The following CDYL2 variants were observed in gnomAD, a reference collection of about 807,000 sequenced individuals.
CDYL2 encodes the protein chromodomain Y-like protein 2.
A neutral mutation model predicts 49.4 loss-of-function variants in CDYL2; 23 were observed. That is an observed-to-expected ratio of 0.47 (90% CI 0.34 to 0.66). The LOEUF is 0.66. Ranked by LOEUF, CDYL2 falls within the 30% of genes least tolerant of loss-of-function variation. CDYL2 has a pLI of 0.01. For synonymous variants in CDYL2, 360 were observed against 268.8 expected, an observed-to-expected ratio of 1.34 and a Z score of -3.32; for missense variants, 678 against 656.4, an observed-to-expected ratio of 1.03 and a Z score of -0.36.
rs544973548 is a variant in CDYL2 at position 80,686,622 on chromosome 16, G to A, written c.25-1493C>T. The stretch of plus-strand genomic sequence containing the variant: ...AATTTATATGGATGTTTATGTTTAC[G>A]TGTTTGAATTTTAGTATGTTTAGAA... On this transcript the variant is annotated intron_variant, in intron 1 of 6. Transcript: ENST00000570137. Among the ~76,000 whole-genome samples, 11 of 152,306 alleles carry A rather than the reference G, an allele frequency of 7.2e-5. 1 individual carries two copies. In the South Asian group the frequency reaches 1.0e-3, roughly 14 times the overall value.
intron 1 of CDYL2, among the ~76,000 whole-genome samples, chr16:80,748,179 A>G (rs1906000700): frequency 6.8e-6 from 1 of 148,024 alleles, no homozygotes; most frequent in African/African-American, 2.5e-5. Context: ...TAAAGAAAAG[A>G]GCATAGGCTT....
intron 3 of CDYL2, among the ~76,000 whole-genome samples, chr16:80,622,887 G>T (rs118092254): frequency 7.9e-5 from 12 of 152,156 alleles, no homozygotes; most frequent in Non-Finnish European, 1.8e-4. Flanking sequence ...GAGCCTGAAG[G>T]TTACAGAGCA....
intron 3 of CDYL2, among the ~76,000 whole-genome samples, chr16:80,630,037 G>C (rs1204356942): frequency 6.6e-6 from 1 of 152,194 alleles, no homozygotes; most frequent in African/African-American, 2.4e-5. Context: ...GTTGAAGGGA[G>C]GATTGGAAGC....
At chr16:80,638,638 G>C (rs892700877) in intron 2 of CDYL2, among the ~76,000 whole-genome samples, 1 of 152,172 alleles carries the variant, frequency 6.6e-6, no homozygotes, top group African/African-American at 2.4e-5. Context: ...TGCATCAGTG[G>C]TATATGATAG....
chr16:80,736,970 C>T (rs188738317), intron 1 of CDYL2, among the ~76,000 whole-genome samples: 4 of 152,246 alleles, frequency 2.6e-5, no homozygotes, highest in Admixed American at 6.5e-5. Context: ...CATGATGCAT[C>T]GTATTCAGAT....
intron 1 of CDYL2, among the ~76,000 whole-genome samples, chr16:80,802,279 T>G (rs1907949407): frequency 6.6e-6 from 1 of 152,192 alleles, no homozygotes; most frequent in Admixed American, 6.5e-5. Flanking sequence ...AACTTTTCAC[T>G]CAGGCAAGGT....
rs368968886 is a variant in CDYL2 at position 80,772,694 on chromosome 16, A to G, written c.24+31456T>C. Among the ~76,000 whole-genome samples, 66 of 151,998 alleles carry G rather than the reference A, an allele frequency of 4.3e-4. No homozygotes were observed. In the Middle Eastern group the frequency reaches 0.01, roughly 24 times the overall value. On this transcript the variant is annotated intron_variant, in intron 1 of 6. Coordinates refer to ENST00000570137, the MANE Select transcript of CDYL2 (RefSeq NM_152342.4). ...TCTCAATCTCCTGACCTCATGATCC[A>G]CCCACCTCGGCCTCCCAAAGTGCTG...
At chr16:80,771,108 C>G (rs1337211117) in intron 1 of CDYL2, among the ~76,000 whole-genome samples, 2 of 152,224 alleles carry the variant, frequency 1.3e-5, no homozygotes, top group Admixed American at 6.5e-5. Flanking sequence ...GAATCTCCAT[C>G]TTTGTAAGTG....
chr16:80,722,199 A>G (rs1249085419), intron 1 of CDYL2, among the ~76,000 whole-genome samples: 2 of 152,240 alleles, frequency 1.3e-5, no homozygotes, highest in Admixed American at 6.5e-5. Context: ...CTGATTTAAA[A>G]AAAAGAAGAA....
At chr16:80,802,766 C>T (rs575712876) in intron 1 of CDYL2, among the ~76,000 whole-genome samples, 1 of 152,328 alleles carries the variant, frequency 6.6e-6, no homozygotes, top group Admixed American at 6.5e-5. Context: ...TCTTCTCTAA[C>T]GCCAGTCAGC....
chr16:80,606,439 C>A (rs773760155), intron 6 of CDYL2, among the ~76,000 whole-genome samples: 2 of 152,192 alleles, frequency 1.3e-5, no homozygotes, highest in Admixed American at 6.5e-5. Flanking sequence ...CCCCTCCATG[C>A]AGCTTGCAGG....
chr16:80,675,166 G>A (rs1053786279), intron 2 of CDYL2, among the ~76,000 whole-genome samples: 1 of 152,214 alleles, frequency 6.6e-6, no homozygotes, highest in African/African-American at 2.4e-5. Context: ...ATCTGGGAAA[G>A]GTCTGTTGGC....
At chr16:80,624,776 A>C (rs527572298) in intron 3 of CDYL2, among the ~76,000 whole-genome samples, 5 of 152,360 alleles carry the variant, frequency 3.3e-5, no homozygotes, top group African/African-American at 1.2e-4. Context: ...TTTGAGGAGA[A>C]AAAGAAACTT....
chr16:80,620,418 G>A (rs1907027100), intron 4 of CDYL2, among the ~76,000 whole-genome samples: 1 of 152,196 alleles, frequency 6.6e-6, no homozygotes, highest in Admixed American at 6.5e-5. Flanking sequence ...CGGGAGTAGT[G>A]TGGACAACAC....
intron 2 of CDYL2, among the ~76,000 whole-genome samples, chr16:80,682,854 A>G (rs1910023391): frequency 6.6e-6 from 1 of 152,198 alleles, no homozygotes; most frequent in South Asian, 2.1e-4. Flanking sequence ...TAAAACAAAC[A>G]GCTTTTACAT....
At chr16:80,677,738 C>CA (rs1157566078) in intron 2 of CDYL2, among the ~76,000 whole-genome samples, 180 of 136,740 alleles carry the variant, frequency 1.3e-3, no homozygotes, top group African/African-American at 3.2e-3. Context: ...GACTCCATCT[C>CA]AAAAAAATAA....
chr16:80,804,226 T>G lies in CDYL2; in HGVS notation c.-53A>C. On this transcript the variant is annotated 5_prime_UTR_variant, in exon 1 of 7. Coordinates refer to ENST00000570137, the MANE Select transcript of CDYL2 (RefSeq NM_152342.4). The stretch of plus-strand genomic sequence containing the variant: ...TGTGCGCGTCTGCTCGCTCGCGCCC[T>G]CCGTGCGTGTGCGCGCGGGGTCCGG... The G allele has an allele frequency of 7.6e-7, 1 of 1,323,348 alleles. No individual in the cohort carries two copies. The highest frequency in any genetic ancestry group is 9.9e-7 in the Non-Finnish European group (1 of 1,008,794). The allele number at this position is 1,323,348 out of a possible 1,614,324, so 82.0% of individuals were successfully genotyped here. A position where few individuals can be genotyped will look rare whatever the true frequency, so the allele number is the denominator to read the frequency against.
intron 4 of CDYL2, among the ~76,000 whole-genome samples, chr16:80,618,337 C>T (rs536496737): frequency 3.5e-4 from 54 of 152,236 alleles, no homozygotes; most frequent in Non-Finnish European, 6.8e-4. Flanking sequence ...ACACCTCTTT[C>T]TCCATGAATT....
intron 2 of CDYL2, among the ~76,000 whole-genome samples, chr16:80,681,661 G>C (rs903797357): frequency 6.6e-6 from 1 of 152,148 alleles, no homozygotes; most frequent in Non-Finnish European, 1.5e-5. Flanking sequence ...ATGGTGGCTG[G>C]GACAATTATC....
Sources: gnomAD v4.1 joint callset for allele counts (sites outside exome capture counted in the v4.1 genomes callset) on GRCh38, gnomAD v4.1.1 for gene constraint, MANE v1.5 for transcripts, NCBI Gene and HGNC (gene_info 2026-07-23, HGNC 2026-07-21) for gene names.